The following SNX29 variants were observed in gnomAD, a reference collection of about 807,000 sequenced individuals.
SNX29 encodes sorting nexin-29.
Under a neutral mutation model 102.1 loss-of-function variants are expected in SNX29, and 78 were observed. The observed-to-expected ratio is 0.76, with a 90% CI of 0.64 to 0.92. The LOEUF (loss-of-function observed/expected upper bound fraction) is 0.92. Ranked by LOEUF, SNX29 falls within the 40% of genes least tolerant of loss-of-function variation. The pLI is 0.00. For synonymous variants in SNX29, 580 were observed against 414.5 expected, an observed-to-expected ratio of 1.40 and a Z score of -4.85; for missense variants, 1,280 against 1,061.7, an observed-to-expected ratio of 1.21 and a Z score of -2.86.
chr16:12,291,948 G>T (rs1029532263), intron 15 of SNX29, among the ~76,000 whole-genome samples: 1 of 152,146 alleles, frequency 6.6e-6, no homozygotes, highest in Non-Finnish European at 1.5e-5. Context: ...TTGCCTTCGG[G>T]TGCTCACAGC....
intron 18 of SNX29, among the ~76,000 whole-genome samples, chr16:12,464,071 C>T (rs1188572838): frequency 6.6e-6 from 1 of 152,028 alleles, no homozygotes; most frequent in African/African-American, 2.4e-5. Context: ...TGAGTTTATC[C>T]ATAGAACTTC....
At chr16:12,040,253 C>T (rs1352782221) in intron 4 of SNX29, among the ~76,000 whole-genome samples, 1 of 152,040 alleles carries the variant, frequency 6.6e-6, no homozygotes, top group Non-Finnish European at 1.5e-5. Flanking sequence ...GGGGTGCGTG[C>T]CTGTGTCTCA....
At chr16:12,456,976 A>G (rs2086567839) in intron 18 of SNX29, among the ~76,000 whole-genome samples, 1 of 152,190 alleles carries the variant, frequency 6.6e-6, no homozygotes, top group South Asian at 2.1e-4. Flanking sequence ...TTTGAGTTGC[A>G]TTGACAGAGT....
intron 13 of SNX29, among the ~76,000 whole-genome samples, chr16:12,140,997 G>A (rs979521302): frequency 3.9e-5 from 6 of 152,168 alleles, no homozygotes; most frequent in Non-Finnish European, 8.8e-5. Flanking sequence ...ATACAAAATA[G>A]ATTTCAGTAC....
chr16:11,995,112 C>A (rs1173077792), intron 1 of SNX29, among the ~76,000 whole-genome samples: 1 of 152,220 alleles, frequency 6.6e-6, no homozygotes, highest in Middle Eastern at 3.2e-3. Flanking sequence ...GTTGCCCAGG[C>A]TGGAGTGCAT....
At chr16:12,493,952 A>C (rs1341810842) in intron 19 of SNX29, among the ~76,000 whole-genome samples, 2 of 152,024 alleles carry the variant, frequency 1.3e-5, no homozygotes, top group Non-Finnish European at 2.9e-5. Context: ...TCTGCTCGTG[A>C]TTTTTAGCCA....
chr16:12,211,165 A>AT (rs992226660), intron 14 of SNX29, among the ~76,000 whole-genome samples: 63 of 152,266 alleles, frequency 4.1e-4, no homozygotes, highest in African/African-American at 1.4e-3. Context: ...GCCAACATTG[A>AT]TTGAATACTC....
chr16:12,371,870 A>G (rs1440775982), intron 16 of SNX29, among the ~76,000 whole-genome samples: 2 of 152,064 alleles, frequency 1.3e-5, no homozygotes, highest in African/African-American at 4.8e-5. Flanking sequence ...CTCTTTCTCC[A>G]CCGAGTCCTG....
At chr16:12,481,381 C>CAT (rs139144117) in intron 19 of SNX29, among the ~76,000 whole-genome samples, 7,895 of 146,076 alleles carry the variant, frequency 0.054, 368 homozygotes, top group African/African-American at 0.12. Context: ...GTCTTTTATA[C>CAT]ATATATATAT....
At chr16:12,230,086 C>A (rs1033985134) in intron 14 of SNX29, among the ~76,000 whole-genome samples, 3 of 152,212 alleles carry the variant, frequency 2.0e-5, no homozygotes, top group African/African-American at 4.8e-5. Context: ...ACAAAACTTG[C>A]ATCAGCCCGG....
chr16:12,347,898 C>G (rs1435518377), intron 15 of SNX29, among the ~76,000 whole-genome samples: 1 of 142,708 alleles, frequency 7.0e-6, no homozygotes, highest in African/African-American at 2.7e-5. Flanking sequence ...AGAAACGTAG[C>G]CATATCCTGT....
chr16:12,553,561 G>A (rs976631133), intron 20 of SNX29, among the ~76,000 whole-genome samples: 5 of 151,958 alleles, frequency 3.3e-5, no homozygotes, highest in African/African-American at 7.2e-5. Context: ...AGCTAAGCAG[G>A]AGCTGTGGGC....
chr16:12,091,810 T>C (rs1183988638), intron 11 of SNX29, among the ~76,000 whole-genome samples: 1 of 149,504 alleles, frequency 6.7e-6, no homozygotes, highest in Non-Finnish European at 1.5e-5. Context: ...CCAGAGACCT[T>C]GTTTACCCTT....
intron 13 of SNX29, among the ~76,000 whole-genome samples, chr16:12,185,812 C>T (rs1182278834): frequency 6.6e-6 from 1 of 152,200 alleles, no homozygotes; most frequent in Admixed American, 6.5e-5. Context: ...CAGTCGCAGT[C>T]CCCAGATGCT....
chr16:12,370,585 C>G (rs964653762), intron 16 of SNX29, among the ~76,000 whole-genome samples: 3 of 152,182 alleles, frequency 2.0e-5, no homozygotes, highest in Non-Finnish European at 4.4e-5. Context: ...AGGTACATCT[C>G]TGCTTCCTTG....
At chr16:12,069,360 A>C (rs1006161514) in intron 10 of SNX29, among the ~76,000 whole-genome samples, 7 of 150,204 alleles carry the variant, frequency 4.7e-5, no homozygotes, top group South Asian at 2.1e-4. Context: ...CCGCCTCCCG[A>C]GATCAAGCGA....
chr16:12,541,607 G>C (rs976044294), intron 20 of SNX29, among the ~76,000 whole-genome samples: 1 of 152,108 alleles, frequency 6.6e-6, no homozygotes, highest in African/African-American at 2.4e-5. Flanking sequence ...GTCACACTCT[G>C]GGCCACATCT....
At chr16:12,181,987 G>A (rs1302518434) in intron 13 of SNX29, among the ~76,000 whole-genome samples, 2 of 151,726 alleles carry the variant, frequency 1.3e-5, no homozygotes, top group Non-Finnish European at 2.9e-5. Context: ...GGGTTCAAGC[G>A]ATTCTCCTGC....
intron 13 of SNX29, among the ~76,000 whole-genome samples, chr16:12,161,390 A>G (rs1045417961): frequency 6.6e-6 from 1 of 152,194 alleles, no homozygotes; most frequent in African/African-American, 2.4e-5. Flanking sequence ...AAGCTCTGCC[A>G]GGAATGACTT....
Sources: gnomAD v4.1 joint callset for allele counts (sites outside exome capture counted in the v4.1 genomes callset) on GRCh38, gnomAD v4.1.1 for gene constraint, MANE v1.5 for transcripts, NCBI Gene and HGNC (gene_info 2026-07-23, HGNC 2026-07-21) for gene names.